Variants in IL1RAPL2 observed in about 807,000 individuals in gnomAD.
The protein encoded by IL1RAPL2 is interleukin 1 receptor accessory protein like 2, also known as X-linked interleukin-1 receptor accessory protein-like 2.
IL1RAPL2 carries 3 observed loss-of-function variants against 44.1 expected under a neutral mutation model. The ratio of observed to expected loss-of-function variants is 0.07; its 90% confidence interval spans 0.03 to 0.18. IL1RAPL2 has a LOEUF of 0.18. Among genes scored for constraint, IL1RAPL2 ranks in the 10% least tolerant of loss-of-function variants. The probability of loss-of-function intolerance (pLI) is 1.00; values close to 1 mark genes in which losing one functional copy is unlikely to be tolerated. For missense variants in IL1RAPL2, 391 were observed against 496.4 expected, an observed-to-expected ratio of 0.79 and a Z score of 2.02; for synonymous variants, 181 against 178.8, an observed-to-expected ratio of 1.01 and a Z score of -0.10.
chrX:104,964,886 C>T (rs2030089927), intron 2 of IL1RAPL2, among the ~76,000 whole-genome samples: 1 of 110,636 alleles, frequency 9.0e-6, no homozygotes, highest in Non-Finnish European at 1.9e-5. Context: ...TAGCTCACTG[C>T]AACCTTGACT....
chrX:104,690,082 T>C (rs1485988853), intron 2 of IL1RAPL2, among the ~76,000 whole-genome samples: 1 of 112,141 alleles, frequency 8.9e-6, no homozygotes, highest in Non-Finnish European at 1.9e-5. Flanking sequence ...TCTACATAGA[T>C]AATGGATTAT....
chrX:104,918,703 T>C (rs1924537715), intron 2 of IL1RAPL2, among the ~76,000 whole-genome samples: 1 of 111,874 alleles, frequency 8.9e-6, no homozygotes. Flanking sequence ...TAATTCTCAA[T>C]ATGAAATAAA....
At chrX:104,808,046 A>G (rs898222795) in intron 2 of IL1RAPL2, among the ~76,000 whole-genome samples, 1 of 112,085 alleles carries the variant, frequency 8.9e-6, no homozygotes, top group Non-Finnish European at 1.9e-5. Flanking sequence ...TTTCTAATGT[A>G]AGCAGTAGTT....
intron 2 of IL1RAPL2, among the ~76,000 whole-genome samples, chrX:104,786,398 A>G (rs1042259759): frequency 1.8e-5 from 2 of 112,234 alleles, no homozygotes; most frequent in Non-Finnish European, 3.8e-5. Context: ...TCATATAGTT[A>G]AAACCTATCA....
At chrX:105,132,108 A>C (rs1007462497) in intron 2 of IL1RAPL2, among the ~76,000 whole-genome samples, 1 of 109,498 alleles carries the variant, frequency 9.1e-6, no homozygotes, top group Non-Finnish European at 1.9e-5. Flanking sequence ...TCAAATACCA[A>C]AGGTTTCAAT....
chrX:104,721,740 TATAAAC>T (rs769334735), intron 2 of IL1RAPL2, among the ~76,000 whole-genome samples: 53 of 111,641 alleles, frequency 4.7e-4, no homozygotes, highest in African/African-American at 1.5e-3. Context: ...TATACAAAGA[TATAAAC>T]ATAGAACTGT....
At chrX:104,908,707 C>G (rs1924122759) in intron 2 of IL1RAPL2, among the ~76,000 whole-genome samples, 1 of 109,949 alleles carries the variant, frequency 9.1e-6, no homozygotes, top group Non-Finnish European at 1.9e-5. Context: ...TTGAGGGTAA[C>G]CCGACCTTTC....
At chrX:104,822,816 G>A (rs1410166778) in intron 2 of IL1RAPL2, among the ~76,000 whole-genome samples, 1 of 111,170 alleles carries the variant, frequency 9.0e-6, no homozygotes, top group Non-Finnish European at 1.9e-5. Flanking sequence ...AGCTTGATGG[G>A]GATAGCACTG....
chrX:105,198,743 G>T (rs1404158576), intron 3 of IL1RAPL2, among the ~76,000 whole-genome samples: 1 of 111,553 alleles, frequency 9.0e-6, no homozygotes, highest in East Asian at 2.8e-4. Context: ...CCTCATTTTT[G>T]ATGACCTTGA....
chrX:105,110,373 G>C (rs769599234), intron 2 of IL1RAPL2, among the ~76,000 whole-genome samples: 1 of 112,002 alleles, frequency 8.9e-6, no homozygotes, highest in African/African-American at 3.3e-5. Context: ...GTTCTCTGCT[G>C]TTACCTCTGA....
At chrX:104,802,602 G>A (rs1388590980) in intron 2 of IL1RAPL2, among the ~76,000 whole-genome samples, 4 of 111,116 alleles carry the variant, frequency 3.6e-5, no homozygotes, top group Non-Finnish European at 7.5e-5. Context: ...TTTGTATTTT[G>A]CTTTTTCAAC....
chrX:105,305,388 T>G (rs2034727765), intron 5 of IL1RAPL2, among the ~76,000 whole-genome samples: 1 of 111,754 alleles, frequency 8.9e-6, no homozygotes, highest in Admixed American at 9.5e-5. Flanking sequence ...CAATATACTT[T>G]ATGCCTTAAG....
chrX:105,192,144 A>G (rs897061049), intron 2 of IL1RAPL2, among the ~76,000 whole-genome samples: 2 of 112,352 alleles, frequency 1.8e-5, no homozygotes, highest in Non-Finnish European at 3.8e-5. Context: ...CAGCTGCATC[A>G]CAGATGTATT....
intron 2 of IL1RAPL2, among the ~76,000 whole-genome samples, chrX:104,978,337 A>C (rs2030375044): frequency 9.0e-6 from 1 of 111,711 alleles, no homozygotes; most frequent in African/African-American, 3.3e-5. Flanking sequence ...TGTATTGGTA[A>C]TATTTCTAAG....
Position 105,243,567 on chromosome X carries a change from G to GTA in IL1RAPL2, c.543+9579_543+9580dup, listed in dbSNP as rs1178955820. ...TGTGTGTATATATATATATATGTGTGTATATATATATATATATGTGTATAT... is the reference window on the plus strand; with the variant it reads ...TGTGTGTATATATATATATATGTGTGTATATATATATATATATATGTGTATAT... On this transcript the variant is annotated intron_variant, in intron 4 of 10. Transcript: ENST00000372582. Among the ~76,000 whole-genome samples, 408 of 80,649 alleles carry GTA rather than the reference G, an allele frequency of 5.1e-3. 1 individual carries two copies. The highest frequency in any genetic ancestry group is 0.011 in the Admixed American group (90 of 7,906). 70.0% of individuals were successfully genotyped at this position (80,649 alleles called of 115,157 possible). A position where few individuals can be genotyped will look rare whatever the true frequency, so the allele number is the denominator to read the frequency against.
intron 5 of IL1RAPL2, among the ~76,000 whole-genome samples, chrX:105,389,129 T>C (rs1430134444): frequency 1.8e-5 from 2 of 111,878 alleles, no homozygotes; most frequent in Non-Finnish European, 3.8e-5. Context: ...ACTTGCTTGA[T>C]GGTAGTATAA....
At chrX:105,394,503 T>A (rs779389398) in intron 5 of IL1RAPL2, among the ~76,000 whole-genome samples, 67 of 111,502 alleles carry the variant, frequency 6.0e-4, no homozygotes, top group African/African-American at 2.0e-3. Context: ...TATCTCTTAC[T>A]TGGGCCATTG....
Position 105,219,747 on chromosome X carries a change from A to G in IL1RAPL2, c.357-14071A>G, listed in dbSNP as rs781824030. 2.8e-5 allele frequency: 34 copies of G among 1,200,353 alleles called. No individual in the cohort carries two copies. In the South Asian group the frequency reaches 5.7e-4, roughly 20 times the overall value. On this transcript the variant is annotated intron_variant, in intron 3 of 10. Transcript: ENST00000372582. ...CTGCCCCCTGCTCCCACTCATGGGG[A>G]GACACCAGCTCCTGGAGAGAAGTGG...
chrX:105,303,994 C>A (rs1351278847), intron 5 of IL1RAPL2, among the ~76,000 whole-genome samples: 1 of 112,609 alleles, frequency 8.9e-6, no homozygotes, highest in Non-Finnish European at 1.9e-5. Flanking sequence ...TATGCAATGC[C>A]CTGCCAGCAA....
Sources: allele counts gnomAD v4.1 joint callset (sites outside exome capture counted in the v4.1 genomes callset), GRCh38; gene constraint gnomAD v4.1.1; transcripts MANE v1.5; gene names NCBI Gene and HGNC (gene_info 2026-07-23, HGNC 2026-07-21).